The following TMEM35A variants were observed in gnomAD, a reference collection of about 807,000 sequenced individuals.
TMEM35A encodes nicotinic acetylcholine receptor chaperone.
For missense variants in TMEM35A, 83 were observed against 132.7 expected, an observed-to-expected ratio of 0.63 and a Z score of 1.84; for synonymous variants, 50 against 54.7, an observed-to-expected ratio of 0.91 and a Z score of 0.38.
chrX:101,082,735 C>A (rs965449865), intron 1 of TMEM35A, among the ~76,000 whole-genome samples: 2 of 110,225 alleles, frequency 1.8e-5, no homozygotes, highest in African/African-American at 6.6e-5. Flanking sequence ...ACCTCTGCCT[C>A]CCGGGTTCAA....
intron 1 of TMEM35A, among the ~76,000 whole-genome samples, chrX:101,086,341 G>A (rs981005088): frequency 9.0e-6 from 1 of 111,624 alleles, no homozygotes; most frequent in Non-Finnish European, 1.9e-5. Flanking sequence ...GGCTGGTCTC[G>A]AACTCCTGAC....
At chrX:101,084,729 G>A (rs1446654868) in intron 1 of TMEM35A, among the ~76,000 whole-genome samples, 6 of 110,816 alleles carry the variant, frequency 5.4e-5, no homozygotes, top group Admixed American at 9.7e-5. Context: ...GCTGGGCTTA[G>A]TGGTGGGTAC....
chrX:101,090,882 G>C (rs2089322118), intron 1 of TMEM35A, among the ~76,000 whole-genome samples: 1 of 106,740 alleles, frequency 9.4e-6, no homozygotes, highest in African/African-American at 3.4e-5. Context: ...TGTTGCCCAG[G>C]CTGGAGTGCA....
At chrX:101,093,609 C>T (rs2089330385) in intron 1 of TMEM35A, among the ~76,000 whole-genome samples, 2 of 111,135 alleles carry the variant, frequency 1.8e-5, no homozygotes, top group East Asian at 2.8e-4. Context: ...CCACTGCACC[C>T]GGCTAAAAAA....
Position 101,078,904 on chromosome X carries a change from G to T in TMEM35A, c.-99G>T. 9.1e-7 allele frequency: 1 copy of T among 1,101,503 alleles called. No homozygotes were observed. Among genetic ancestry groups the T allele is most frequent in the East Asian group, 3.0e-5 (1 of 32,851 alleles). The allele number at this position is 1,101,503 out of a possible 1,213,427, so 90.8% of individuals were successfully genotyped here. On this transcript the variant is annotated 5_prime_UTR_variant, in exon 1 of 2. Transcript: ENST00000372930. ...GTCATTCTAGCTGCCTGCTGCCTCC[G>T]CAGCGTCCCCCCAGCTCTCCCTGTG...
chrX:101,091,302 CTTT>C (rs111453010), intron 1 of TMEM35A, among the ~76,000 whole-genome samples: 16 of 90,095 alleles, frequency 1.8e-4, no homozygotes, highest in African/African-American at 3.3e-4. Context: ...CTCTCTCTCT[CTTT>C]TTTTTTTTTT....
At chrX:101,079,183 C>T (rs2089284536) in intron 1 of TMEM35A, 61 bp downstream of exon 1, 1 of 1,172,725 alleles carries the variant, frequency 8.5e-7, no homozygotes, top group Non-Finnish European at 1.1e-6. Context: ...GACCTCTCCC[C>T]TTTTTTCCTT....
At chrX:101,087,202 C>T (rs1281547346) in intron 1 of TMEM35A, among the ~76,000 whole-genome samples, 1 of 111,445 alleles carries the variant, frequency 9.0e-6, no homozygotes, top group Non-Finnish European at 1.9e-5. Context: ...GTGATCCGCC[C>T]GCCTCAGCCT....
chrX:101,090,169 C>CTTTCT (rs1556381270), intron 1 of TMEM35A, among the ~76,000 whole-genome samples: 1 of 97,527 alleles, frequency 1.0e-5, no homozygotes, highest in African/African-American at 4.4e-5. Flanking sequence ...TTCTTTCTTT[C>CTTTCT]TTTTTTTTTT....
At chrX:101,090,168 T>G (rs889178761) in intron 1 of TMEM35A, among the ~76,000 whole-genome samples, 1 of 105,967 alleles carries the variant, frequency 9.4e-6, no homozygotes, top group Non-Finnish European at 1.9e-5. Context: ...TTTCTTTCTT[T>G]CTTTTTTTTT....
At chrX:101,088,490 C>T (rs7885629) in intron 1 of TMEM35A, among the ~76,000 whole-genome samples, 2,488 of 111,070 alleles carry the variant, frequency 0.022, 94 homozygotes, top group African/African-American at 0.078. Flanking sequence ...GTGGCACAAG[C>T]CTGTAGGCCC....
Position 101,078,918 on chromosome X carries a change from G to A in TMEM35A, c.-85G>A. The A allele has an allele frequency of 8.7e-7, 1 of 1,153,110 alleles. No individual in the cohort carries two copies. The highest frequency in any genetic ancestry group is 1.2e-6 in the Non-Finnish European group (1 of 851,659). ...CTGCTGCCTCCGCAGCGTCCCCCCA[G>A]CTCTCCCTGTGCTAACTGCCTGCAC... On this transcript the variant is annotated 5_prime_UTR_variant, in exon 1 of 2. Coordinates refer to ENST00000372930, the MANE Select transcript of TMEM35A (RefSeq NM_021637.3).
intron 1 of TMEM35A, among the ~76,000 whole-genome samples, chrX:101,090,964 G>A (rs1236442531): frequency 9.1e-6 from 1 of 110,282 alleles, no homozygotes. Context: ...AGCCTCCAGA[G>A]TAGCTGGGAC....
intron 1 of TMEM35A, among the ~76,000 whole-genome samples, chrX:101,084,213 G>A (rs1383110056): frequency 6.9e-5 from 5 of 72,815 alleles, no homozygotes; most frequent in Admixed American, 3.2e-4. Flanking sequence ...AAAAAAAAAA[G>A]AAGGTGTTTA....
At chrX:101,084,593 T>C (rs1040881056) in intron 1 of TMEM35A, among the ~76,000 whole-genome samples, 1 of 111,831 alleles carries the variant, frequency 8.9e-6, no homozygotes, top group Non-Finnish European at 1.9e-5. Context: ...TGCCAGGTGC[T>C]GTGGCTCACG....
intron 1 of TMEM35A, among the ~76,000 whole-genome samples, chrX:101,085,722 A>T (rs1328333591): frequency 1.8e-5 from 2 of 110,493 alleles, no homozygotes; most frequent in Non-Finnish European, 3.8e-5. Context: ...AGGTCAAGAG[A>T]TTGAGACCAT....
chrX:101,084,338 T>C (rs762285290), intron 1 of TMEM35A, among the ~76,000 whole-genome samples: 1 of 111,369 alleles, frequency 9.0e-6, no homozygotes, highest in East Asian at 2.8e-4. Context: ...AAATCACACA[T>C]GAGTCAGTAC....
chrX:101,080,033 C>G (rs1188430897), intron 1 of TMEM35A, among the ~76,000 whole-genome samples: 2 of 111,794 alleles, frequency 1.8e-5, no homozygotes, highest in African/African-American at 6.5e-5. Flanking sequence ...ATGTTTCCAG[C>G]ACTTTCGGGT....
intron 1 of TMEM35A, among the ~76,000 whole-genome samples, chrX:101,088,398 G>A (rs111537313): frequency 0.013 from 1,430 of 110,740 alleles, 18 homozygotes; most frequent in African/African-American, 0.044. Context: ...GATCACTTGA[G>A]CCCAGGAGTT....
Sources: gnomAD v4.1 joint callset for allele counts (sites outside exome capture counted in the v4.1 genomes callset) on GRCh38, gnomAD v4.1.1 for gene constraint, MANE v1.5 for transcripts, NCBI Gene and HGNC (gene_info 2026-07-23, HGNC 2026-07-21) for gene names.